The following HOMER2 variants were observed in gnomAD, a reference collection of about 807,000 sequenced individuals.
HOMER2 encodes homer scaffold protein 2.
Under a neutral mutation model 47.0 loss-of-function variants are expected in HOMER2, and 27 were observed. The ratio of observed to expected loss-of-function variants is 0.57; its 90% CI spans 0.42 to 0.79. HOMER2 has a LOEUF of 0.79. Among genes scored for constraint, HOMER2 ranks in the 30% least tolerant of loss-of-function variants. HOMER2 has a pLI of 0.00. For missense variants in HOMER2, 443 were observed against 435.0 expected, an observed-to-expected ratio of 1.02 and a Z score of -0.16; for synonymous variants, 161 against 163.8, an observed-to-expected ratio of 0.98 and a Z score of 0.13.
intron 5 of HOMER2, 108 bp downstream of exon 5, chr15:82,858,921 G>A (rs559071003): frequency 7.6e-7 from 1 of 1,308,824 alleles, no homozygotes; most frequent in African/African-American, 1.5e-5. Context: ...GCTCTAAGCA[G>A]GTCCCAGTTT....
At chr15:82,952,428 G>A (rs2054527050) in intron 1 of HOMER2, 103 bp downstream of exon 1, 2 of 838,492 alleles carry the variant, frequency 2.4e-6, no homozygotes, top group Non-Finnish European at 1.6e-6. Flanking sequence ...TTGGGGAGGC[G>A]GGGGCCGGCC....
intron 1 of HOMER2, among the ~76,000 whole-genome samples, chr15:82,893,329 C>CTTTTTT (rs771392216): frequency 1.7e-5 from 2 of 118,960 alleles, no homozygotes; most frequent in African/African-American, 3.2e-5. Context: ...ATAATTTTAT[C>CTTTTTT]TTTTTTTTTT....
chr15:82,878,482 A>G (rs1370526099), intron 2 of HOMER2, among the ~76,000 whole-genome samples: 1 of 152,228 alleles, frequency 6.6e-6, no homozygotes, highest in African/African-American at 2.4e-5. Flanking sequence ...AGCTAAGTCT[A>G]TTTACGATGG....
chr15:82,930,227 A>G (rs2053972369), intron 1 of HOMER2, among the ~76,000 whole-genome samples: 1 of 152,078 alleles, frequency 6.6e-6, no homozygotes, highest in Non-Finnish European at 1.5e-5. Flanking sequence ...TAACCAAGTC[A>G]CTCCACCTCT....
At chr15:82,925,163 A>C (rs2053824138) in intron 1 of HOMER2, among the ~76,000 whole-genome samples, 1 of 152,192 alleles carries the variant, frequency 6.6e-6, no homozygotes, top group Non-Finnish European at 1.5e-5. Flanking sequence ...AGCCTTTCCC[A>C]AAGTCCCACT....
In HOMER2 at chr15:82,968,827, G is replaced by A. The variant is rs373102467; in HGVS notation, n.83-9519C>T. On this transcript the variant is annotated intron_variant and non_coding_transcript_variant, in intron 1 of 1. Coordinates refer to the HOMER2 transcript ENST00000500334. ...GAGGGAGTGTGGAGACAAACTATAG[G>A]TTTCAGCTTCGAGGCTGATCATAAT... 3.9e-5 allele frequency among the ~76,000 whole-genome samples: 6 copies of A among 152,260 alleles called. No individual in the cohort carries two copies. In the South Asian group the frequency reaches 1.0e-3, roughly 26 times the overall value.
intron 1 of HOMER2, among the ~76,000 whole-genome samples, chr15:82,918,173 C>T (rs2053636769): frequency 3.3e-5 from 5 of 152,158 alleles, no homozygotes; most frequent in African/African-American, 4.8e-5. Context: ...AAAAATCTAA[C>T]GCTTGACCCT....
intron 1 of HOMER2, among the ~76,000 whole-genome samples, chr15:82,964,919 C>G (rs1176692863): frequency 6.6e-6 from 1 of 152,216 alleles, no homozygotes; most frequent in Non-Finnish European, 1.5e-5. Context: ...TTGGGAAATA[C>G]TATGCTAAAC....
At chr15:82,835,137 T>TTG (rs1158497364), downstream of HOMER2, 1 of 151,576 alleles carries the variant, frequency 6.6e-6, no homozygotes, top group Non-Finnish European at 1.5e-5. Flanking sequence ...TTTTTTGTTT[T>TTG]TTTTTTTGAG....
intron 1 of HOMER2, among the ~76,000 whole-genome samples, chr15:82,984,180 C>T (rs1297730763): frequency 2.6e-5 from 4 of 151,848 alleles, no homozygotes; most frequent in Admixed American, 6.6e-5. Context: ...CTACAGGCGC[C>T]GGCCACCACG....
chr15:82,921,076 C>T (rs2053715968), intron 1 of HOMER2, among the ~76,000 whole-genome samples: 1 of 152,130 alleles, frequency 6.6e-6, no homozygotes, highest in Non-Finnish European at 1.5e-5. Context: ...GGGCAGATCA[C>T]CTGAGGTCAG....
At chr15:82,965,598 T>C (rs1026479014) in intron 1 of HOMER2, among the ~76,000 whole-genome samples, 1 of 152,062 alleles carries the variant, frequency 6.6e-6, no homozygotes, top group Admixed American at 6.5e-5. Context: ...CCATACTTAT[T>C]AACCTCAGAC....
intron 5 of HOMER2, among the ~76,000 whole-genome samples, chr15:82,857,722 C>T (rs1038337824): frequency 9.2e-5 from 14 of 152,072 alleles, no homozygotes; most frequent in African/African-American, 2.9e-4. Context: ...TGTGCCACCA[C>T]GCCCAGCCAA....
chr15:82,837,652 A>G (rs2051140065), exon 2 of HOMER2: 1 of 152,142 alleles, frequency 6.6e-6, no homozygotes, highest in South Asian at 2.1e-4. Flanking sequence ...CCAAGTCTGG[A>G]GAAGTGGGGT....
At chr15:82,924,462 G>A (rs1458995685) in intron 1 of HOMER2, among the ~76,000 whole-genome samples, 1 of 149,940 alleles carries the variant, frequency 6.7e-6, no homozygotes, top group Non-Finnish European at 1.5e-5. Flanking sequence ...CACATGGCTT[G>A]TGTGTGTAGA....
At chr15:82,835,667 G>A (rs1344760675), downstream of HOMER2, 2 of 152,302 alleles carry the variant, frequency 1.3e-5, no homozygotes, top group Non-Finnish European at 2.9e-5. Flanking sequence ...AGGCCTGATG[G>A]GCCAAGCCCT....
chr15:82,946,410 C>A (rs1177388373), intron 1 of HOMER2, among the ~76,000 whole-genome samples: 6 of 152,234 alleles, frequency 3.9e-5, no homozygotes, highest in Admixed American at 6.5e-5. Context: ...CGTGCTCTCT[C>A]TGGCTCACTC....
chr15:82,861,581 A>C (rs781469402), intron 4 of HOMER2, among the ~76,000 whole-genome samples: 1 of 152,236 alleles, frequency 6.6e-6, no homozygotes, highest in Non-Finnish European at 1.5e-5. Flanking sequence ...TTATAGTCAC[A>C]AAACAGCCCC....
At chr15:82,963,902 A>T (rs1485249098) in intron 1 of HOMER2, among the ~76,000 whole-genome samples, 2 of 152,172 alleles carry the variant, frequency 1.3e-5, no homozygotes, top group African/African-American at 4.8e-5. Context: ...CTCTGCTGCC[A>T]AAAGCCTTGG....
Sources: gnomAD v4.1 joint callset for allele counts (sites outside exome capture counted in the v4.1 genomes callset) on GRCh38, gnomAD v4.1.1 for gene constraint, MANE v1.5 for transcripts, NCBI Gene and HGNC (gene_info 2026-07-23, HGNC 2026-07-21) for gene names.